Variants in ALK observed in about 807,000 individuals in gnomAD.
ALK encodes the protein ALK receptor tyrosine kinase.
Under a neutral mutation model 163.1 loss-of-function variants are expected in ALK, and 74 were observed. That is an observed-to-expected ratio of 0.45 (90% CI 0.38 to 0.55). ALK has a LOEUF of 0.55. Ranked by LOEUF, ALK falls within the 20% of genes least tolerant of loss-of-function variation. The pLI is 0.00. For missense variants in ALK, 2,063 were observed against 2,105.3 expected, an observed-to-expected ratio of 0.98 and a Z score of 0.39; for synonymous variants, 960 against 843.2, an observed-to-expected ratio of 1.14 and a Z score of -2.40.
intron 11 of ALK, among the ~76,000 whole-genome samples, chr2:29,255,995 G>C (rs969362422): frequency 2.6e-5 from 4 of 152,176 alleles, no homozygotes; most frequent in African/African-American, 7.2e-5. Context: ...AGGTAGGGTA[G>C]ACATGAGATC....
chr2:29,702,218 A>G (rs1306965350), intron 2 of ALK, among the ~76,000 whole-genome samples: 1 of 151,450 alleles, frequency 6.6e-6, no homozygotes. Flanking sequence ...GGCTGTGCTG[A>G]AAAAAAAAGG....
At position 29,193,197 on chromosome 2, in the gene ALK, G is replaced by C. The variant is rs2148136777; in HGVS notation, c.*27C>G. 1 of 1,609,102 alleles carries C rather than the reference G, an allele frequency of 6.2e-7. No individual in the cohort carries two copies. The highest frequency in any genetic ancestry group is 8.5e-7 in the Non-Finnish European group (1 of 1,176,418). On this transcript the variant is annotated 3_prime_UTR_variant, in exon 29 of 29. Coordinates refer to ENST00000389048, the MANE Select transcript of ALK (RefSeq NM_004304.5). ...TCCTCCACGGTCTTAGGGATCCCAA[G>C]GAAGAGAAGTGAGTGTGCGACCGAG...
At chr2:29,918,083 A>G (rs1318160919) in intron 1 of ALK, among the ~76,000 whole-genome samples, 1 of 152,176 alleles carries the variant, frequency 6.6e-6, no homozygotes, top group East Asian at 1.9e-4. Context: ...TTAAGACTTG[A>G]GTGGAGTATA....
intron 3 of ALK, among the ~76,000 whole-genome samples, chr2:29,591,066 G>T (rs1675041668): frequency 1.4e-5 from 1 of 71,682 alleles, no homozygotes; most frequent in Non-Finnish European, 2.3e-5. Context: ...GCGAGACTCC[G>T]TCTCAAAAAA....
chr2:29,789,336 G>A (rs368862952), intron 1 of ALK, among the ~76,000 whole-genome samples: 6 of 152,156 alleles, frequency 3.9e-5, no homozygotes, highest in African/African-American at 1.4e-4. Context: ...GTCTAGAAGA[G>A]TAATGACCAC....
At chr2:29,197,056 T>A (rs1669041515) in intron 27 of ALK, among the ~76,000 whole-genome samples, 196 bp from the exon 28 acceptor site, 1 of 152,210 alleles carries the variant, frequency 6.6e-6, no homozygotes, top group East Asian at 1.9e-4. Context: ...ACAGACATCC[T>A]GATGTTTATG....
intron 3 of ALK, among the ~76,000 whole-genome samples, chr2:29,601,946 C>T (rs1328475252): frequency 6.6e-6 from 1 of 151,746 alleles, no homozygotes; most frequent in Non-Finnish European, 1.5e-5. Context: ...CTGAGGACAC[C>T]TGAAGGTGGG....
intron 4 of ALK, among the ~76,000 whole-genome samples, chr2:29,441,949 G>C (rs1670556352): frequency 6.6e-6 from 1 of 152,146 alleles, no homozygotes; most frequent in African/African-American, 2.4e-5. Context: ...TCTTGTAGAG[G>C]CACAAATCAT....
At chr2:29,467,628 G>C (rs1327388025) in intron 4 of ALK, among the ~76,000 whole-genome samples, 2 of 152,206 alleles carry the variant, frequency 1.3e-5, no homozygotes, top group African/African-American at 4.8e-5. Flanking sequence ...CACTAGACCA[G>C]TTCCTCTCAA....
intron 11 of ALK, among the ~76,000 whole-genome samples, chr2:29,269,599 A>G (rs1185059150): frequency 6.6e-6 from 1 of 152,164 alleles, no homozygotes; most frequent in Admixed American, 6.5e-5. Flanking sequence ...GAGCCTTGTT[A>G]AGGCTGGTAC....
rs535461462 is a variant in ALK, at chr2:29,786,261, G to A, written c.668-68564C>T. On this transcript the variant is annotated intron_variant, in intron 1 of 28. Transcript: ENST00000389048. ...ATTATCTGAAATGTCTATAGAACCC[G>A]AGAAGGATAGGAGATCCTCCCATAG... Among the ~76,000 whole-genome samples, 46 of 151,890 alleles carry A rather than the reference G, an allele frequency of 3.0e-4. No homozygotes were observed. In the South Asian group the frequency reaches 8.5e-3, roughly 28 times the overall value.
At chr2:29,697,331 T>C (rs2541167) in intron 2 of ALK, among the ~76,000 whole-genome samples, 110,687 of 152,036 alleles carry the variant, frequency 0.73, 40,900 homozygotes, top group Non-Finnish European at 0.8. Flanking sequence ...GGGAGGGTCA[T>C]TGGGTAAGGA....
intron 1 of ALK, among the ~76,000 whole-genome samples, chr2:29,852,886 G>C (rs1666039903): frequency 6.6e-6 from 1 of 150,484 alleles, no homozygotes; most frequent in Non-Finnish European, 1.5e-5. Context: ...TCTACCATGT[G>C]AAGATACAAC....
chr2:29,321,409 C>T (rs550481580), intron 6 of ALK, among the ~76,000 whole-genome samples: 56 of 152,318 alleles, frequency 3.7e-4, no homozygotes, highest in Non-Finnish European at 6.8e-4. Flanking sequence ...CATCAAATTA[C>T]CTGTCTGCAG....
At chr2:29,239,630 C>T (rs1664469430) in intron 13 of ALK, 50 bp downstream of exon 13, 1 of 1,609,876 alleles carries the variant, frequency 6.2e-7, no homozygotes, top group African/African-American at 1.3e-5. Context: ...AAGAGGCCTT[C>T]CCGGGGCCTG....
intron 3 of ALK, among the ~76,000 whole-genome samples, chr2:29,602,014 T>C (rs1675392691): frequency 6.6e-6 from 1 of 151,824 alleles, no homozygotes; most frequent in African/African-American, 2.4e-5. Context: ...GCCTCAAGGG[T>C]TGGATGCAGA....
intron 1 of ALK, among the ~76,000 whole-genome samples, chr2:29,779,071 G>T (rs1466080747): frequency 1.3e-5 from 2 of 152,044 alleles, no homozygotes; most frequent in East Asian, 3.9e-4. Context: ...CAGGAGAATG[G>T]CAGGAACCTG....
At chr2:29,557,192 A>G (rs1018051040) in intron 3 of ALK, among the ~76,000 whole-genome samples, 12 of 152,306 alleles carry the variant, frequency 7.9e-5, no homozygotes, top group African/African-American at 2.9e-4. Context: ...AAAATAAAAG[A>G]ATAAGGGAAC....
chr2:29,546,957 G>A (rs1673571770), intron 3 of ALK, among the ~76,000 whole-genome samples: 1 of 152,210 alleles, frequency 6.6e-6, no homozygotes, highest in East Asian at 1.9e-4. Flanking sequence ...CAGCTGAGAA[G>A]CAAAGGGAAG....
Sources: allele counts gnomAD v4.1 joint callset (sites outside exome capture counted in the v4.1 genomes callset), GRCh38; gene constraint gnomAD v4.1.1; transcripts MANE v1.5; gene names NCBI Gene and HGNC (gene_info 2026-07-23, HGNC 2026-07-21).